CTNNA3: variants seen among roughly 807,000 people sequenced by gnomAD.
The protein encoded by CTNNA3 is catenin alpha 3.
In CTNNA3, 76 loss-of-function variants were observed where a neutral mutation model predicts 95.7. The ratio of observed to expected loss-of-function variants is 0.79; its 90% CI spans 0.66 to 0.96. The LOEUF is 0.96. Ranked by LOEUF, CTNNA3 falls within the 40% of genes least tolerant of loss-of-function variation. The probability of loss-of-function intolerance (pLI) is 0.00; values close to 1 mark genes in which losing one functional copy is unlikely to be tolerated. For synonymous variants in CTNNA3, 431 were observed against 374.4 expected (o/e 1.15, Z -1.74); for missense variants, 1,191 against 1,089.8 (o/e 1.09, Z -1.31).
At chr10:66,210,825 C>T (rs965934455) in intron 13 of CTNNA3, among the ~76,000 whole-genome samples, 30 of 152,130 alleles carry the variant, frequency 2.0e-4, no homozygotes, top group African/African-American at 6.0e-4. Context: ...GTGTTTAGAA[C>T]GTGATCTACT....
chr10:66,754,372 A>G (rs930118275), intron 9 of CTNNA3, among the ~76,000 whole-genome samples: 11 of 152,230 alleles, frequency 7.2e-5, no homozygotes, highest in Non-Finnish European at 1.6e-4. Context: ...CTGAAAATAG[A>G]TCAAACACCT....
chr10:66,533,729 A>G (rs1841549522), intron 10 of CTNNA3, among the ~76,000 whole-genome samples: 1 of 152,108 alleles, frequency 6.6e-6, no homozygotes, highest in South Asian at 2.1e-4. Flanking sequence ...CAAGTGATCA[A>G]GTCTATCCCT....
intron 13 of CTNNA3, among the ~76,000 whole-genome samples, chr10:66,178,440 T>TACATATATATATATATAC (rs1554880300): frequency 9.5e-6 from 1 of 105,756 alleles, no homozygotes; most frequent in Non-Finnish European, 1.9e-5. Context: ...TATATATATA[T>TACATATATATATATATAC]ATACACACAC....
At chr10:66,523,170 T>C (rs763465786) in intron 10 of CTNNA3, among the ~76,000 whole-genome samples, 4 of 152,180 alleles carry the variant, frequency 2.6e-5, no homozygotes, top group Non-Finnish European at 5.9e-5. Flanking sequence ...CTGCAGTGGC[T>C]CTGGTCCCTG....
intron 5 of CTNNA3, among the ~76,000 whole-genome samples, chr10:67,328,866 T>C (rs530970027): frequency 5.3e-5 from 8 of 152,328 alleles, no homozygotes; most frequent in African/African-American, 1.7e-4. Context: ...ATTAATAGGA[T>C]ATTATAGGAC....
intron 5 of CTNNA3, among the ~76,000 whole-genome samples, chr10:67,353,182 A>G (rs1842695758): frequency 6.6e-6 from 1 of 152,028 alleles, no homozygotes; most frequent in Admixed American, 6.6e-5. Flanking sequence ...AGGAACTGCT[A>G]CTTTGCATAA....
At chr10:67,038,093 G>A (rs978327737) in intron 7 of CTNNA3, among the ~76,000 whole-genome samples, 9 of 152,014 alleles carry the variant, frequency 5.9e-5, no homozygotes, top group East Asian at 3.9e-4. Flanking sequence ...TATTTATTTC[G>A]ATTTAATAGT....
chr10:66,185,383 C>G (rs1275948674), intron 13 of CTNNA3, among the ~76,000 whole-genome samples: 1 of 151,862 alleles, frequency 6.6e-6, no homozygotes, highest in Non-Finnish European at 1.5e-5. Flanking sequence ...AAAAATGCTT[C>G]AAAGAGCATT....
chr10:67,284,262 G>C (rs1673254598), intron 5 of CTNNA3, among the ~76,000 whole-genome samples: 1 of 152,282 alleles, frequency 6.6e-6, no homozygotes, highest in South Asian at 2.1e-4. Context: ...TTTAAGGAGT[G>C]AATTTTCAGA....
chr10:66,563,767 T>A (rs1022927815), intron 10 of CTNNA3, among the ~76,000 whole-genome samples: 2 of 152,128 alleles, frequency 1.3e-5, no homozygotes, highest in African/African-American at 4.8e-5. Context: ...GCACATCTGA[T>A]TGCTTCCTTT....
intron 9 of CTNNA3, among the ~76,000 whole-genome samples, chr10:66,625,630 C>A (rs557420968): frequency 6.6e-6 from 1 of 152,178 alleles, no homozygotes; most frequent in Non-Finnish European, 1.5e-5. Flanking sequence ...CTCAAGCAAT[C>A]CATCTGCCTC....
intron 7 of CTNNA3, among the ~76,000 whole-genome samples, chr10:66,971,835 C>G (rs1295743906): frequency 6.6e-6 from 1 of 151,832 alleles, no homozygotes; most frequent in Non-Finnish European, 1.5e-5. Flanking sequence ...ACAATAGGTT[C>G]TTCTCTTTAA....
At chr10:66,558,253 A>G (rs1334266260) in intron 10 of CTNNA3, among the ~76,000 whole-genome samples, 4 of 152,134 alleles carry the variant, frequency 2.6e-5, no homozygotes, top group African/African-American at 9.7e-5. Flanking sequence ...TGTAAGAGCC[A>G]TCTCTCCGGT....
At chr10:66,446,787 C>G (rs1468053750) in intron 11 of CTNNA3, among the ~76,000 whole-genome samples, 1 of 152,072 alleles carries the variant, frequency 6.6e-6, no homozygotes, top group Non-Finnish European at 1.5e-5. Flanking sequence ...CCCTCTCTCA[C>G]CACTCCTATT....
At chr10:66,406,084 A>G (rs2093054765) in intron 11 of CTNNA3, among the ~76,000 whole-genome samples, 1 of 152,204 alleles carries the variant, frequency 6.6e-6, no homozygotes, top group Non-Finnish European at 1.5e-5. Flanking sequence ...AAGAATAAAA[A>G]AAGGATCTTA....
chr10:67,441,456 A>C (rs1846511438), intron 5 of CTNNA3, among the ~76,000 whole-genome samples: 1 of 152,220 alleles, frequency 6.6e-6, no homozygotes, highest in South Asian at 2.1e-4. Flanking sequence ...TTCAAATACA[A>C]GAAGACTATA....
chr10:67,757,287 C>G (rs975661735), intron 1 of CTNNA3, among the ~76,000 whole-genome samples: 1 of 152,168 alleles, frequency 6.6e-6, no homozygotes, highest in Non-Finnish European at 1.5e-5. Flanking sequence ...GATGAGCTCT[C>G]TAAGGTCAAC....
chr10:67,100,683 C>T (rs1858287374), intron 7 of CTNNA3, among the ~76,000 whole-genome samples: 1 of 151,656 alleles, frequency 6.6e-6, no homozygotes. Context: ...GTTACAATAA[C>T]AGCCAGCAGC....
At chr10:66,990,281 GCTGTGGCCAGGTGAAGGGA>G in intron 7 of CTNNA3, among the ~76,000 whole-genome samples, 1 of 152,236 alleles carries the variant, frequency 6.6e-6, no homozygotes, top group South Asian at 2.1e-4. Context: ...ACACTGTAGT[GCTGTGGCCAGGTGAAGGGA>G]CTCTGAAACT....
Sources: gnomAD v4.1 joint callset for allele counts (sites outside exome capture counted in the v4.1 genomes callset) on GRCh38, gnomAD v4.1.1 for gene constraint, MANE v1.5 for transcripts, NCBI Gene and HGNC (gene_info 2026-07-23, HGNC 2026-07-21) for gene names.